GPC5: variants seen among roughly 807,000 people sequenced by gnomAD.
The protein encoded by GPC5 is glypican-5.
GPC5 carries 47 observed loss-of-function variants against 53.9 expected under a neutral mutation model. That is an observed-to-expected ratio of 0.87 (90% CI 0.69 to 1.11). The LOEUF (loss-of-function observed/expected upper bound fraction) is 1.11. Among genes scored for constraint, GPC5 ranks in the 50% most tolerant of loss-of-function variants. GPC5 has a pLI of 0.00. For missense variants in GPC5, 748 were observed against 713.1 expected (o/e 1.05, Z -0.56); for synonymous variants, 286 against 263.3 (o/e 1.09, Z -0.84).
intron 7 of GPC5, among the ~76,000 whole-genome samples, chr13:92,175,400 G>A (rs941410410): frequency 1.3e-5 from 2 of 152,068 alleles, no homozygotes; most frequent in African/African-American, 4.8e-5. Context: ...CTTCTTTTCT[G>A]ATTCTAGATT....
rs569149904 is a variant in GPC5, at chr13:91,582,787, C to T, written c.326-110400C>T. On this transcript the variant is annotated intron_variant, in intron 2 of 7. Coordinates refer to ENST00000377067, the MANE Select transcript of GPC5 (RefSeq NM_004466.6). ...CAGCACCTTGGGAGTCTGAGGCGGGCAGATAACTTGAGGTCAGGTGTTCGA... is the reference window on the plus strand; with the variant it reads ...CAGCACCTTGGGAGTCTGAGGCGGGTAGATAACTTGAGGTCAGGTGTTCGA... Among the ~76,000 whole-genome samples the T allele has an allele frequency of 1.2e-3, 180 of 152,172 alleles. 1 individual carries two copies. The highest frequency in any genetic ancestry group is 4.2e-3 in the African/African-American group (174 of 41,544).
intron 7 of GPC5, among the ~76,000 whole-genome samples, chr13:92,811,727 A>G (rs1877308067): frequency 6.6e-6 from 1 of 151,966 alleles, no homozygotes; most frequent in African/African-American, 2.4e-5. Flanking sequence ...TAAGAGATTT[A>G]TAGTTTTAGC....
Position 92,517,826 on chromosome 13 carries a change from C to T in GPC5, c.1562-348456C>T, listed in dbSNP as rs146773449. Among the ~76,000 whole-genome samples the T allele has an allele frequency of 3.5e-3, 539 of 152,278 alleles. 7 individuals are homozygous for T. Among genetic ancestry groups the T allele is most frequent in the East Asian group, 0.025 (128 of 5,172 alleles). ...TCGCCAGCAATGGAACAAAGCTGGA[C>T]GGAGAATGACTTTGATGAGTTGAGA... On this transcript the variant is annotated intron_variant, in intron 7 of 7. Coordinates refer to ENST00000377067, the MANE Select transcript of GPC5 (RefSeq NM_004466.6).
intron 7 of GPC5, among the ~76,000 whole-genome samples, chr13:92,516,087 T>C (rs1880765348): frequency 6.6e-6 from 1 of 152,124 alleles, no homozygotes; most frequent in African/African-American, 2.4e-5. Context: ...TGAGACCCTT[T>C]CTCAGTATTT....
intron 7 of GPC5, among the ~76,000 whole-genome samples, chr13:92,669,783 T>G (rs1886685467): frequency 6.6e-6 from 1 of 152,144 alleles, no homozygotes; most frequent in Non-Finnish European, 1.5e-5. Context: ...AGATCCTTCC[T>G]AACTCAGAAT....
At chr13:92,514,531 G>T (rs947185689) in intron 7 of GPC5, among the ~76,000 whole-genome samples, 1 of 152,082 alleles carries the variant, frequency 6.6e-6, no homozygotes, top group African/African-American at 2.4e-5. Context: ...TATGGGGTAG[G>T]CACTGTATTA....
chr13:92,501,938 C>G (rs564317732), intron 7 of GPC5, among the ~76,000 whole-genome samples: 3 of 152,104 alleles, frequency 2.0e-5, no homozygotes, highest in Non-Finnish European at 2.9e-5. Flanking sequence ...CAGAATTGCT[C>G]TGAAAGAATT....
At chr13:91,696,585 T>C (rs1046931489) in intron 3 of GPC5, among the ~76,000 whole-genome samples, 3 of 152,154 alleles carry the variant, frequency 2.0e-5, no homozygotes, top group African/African-American at 7.2e-5. Flanking sequence ...CTTTCTCACA[T>C]TCCCAAAGAA....
chr13:91,514,198 T>A (rs1885378980), intron 2 of GPC5, among the ~76,000 whole-genome samples: 1 of 152,206 alleles, frequency 6.6e-6, no homozygotes. Context: ...AATAATAGCA[T>A]GTTTAGTTTT....
At chr13:91,867,265 T>G (rs1295002547) in intron 5 of GPC5, among the ~76,000 whole-genome samples, 1 of 152,136 alleles carries the variant, frequency 6.6e-6, no homozygotes, top group Non-Finnish European at 1.5e-5. Context: ...GAGGTAACTG[T>G]TGTCTAATTT....
intron 7 of GPC5, among the ~76,000 whole-genome samples, chr13:92,699,228 G>T (rs145777727): frequency 0.013 from 1,934 of 152,232 alleles, 49 homozygotes; most frequent in African/African-American, 0.044. Context: ...AGTGTTTATA[G>T]TATTCTATGA....
intron 6 of GPC5, among the ~76,000 whole-genome samples, chr13:92,093,208 C>G (rs767673380): frequency 4.6e-5 from 7 of 152,062 alleles, no homozygotes; most frequent in Non-Finnish European, 8.8e-5. Flanking sequence ...ATATTAAAGG[C>G]CTTTTTCTTT....
At chr13:91,981,665 T>A (rs1283315886) in intron 6 of GPC5, among the ~76,000 whole-genome samples, 1 of 152,200 alleles carries the variant, frequency 6.6e-6, no homozygotes, top group Non-Finnish European at 1.5e-5. Context: ...CACTTGACAT[T>A]GTGCTAGATA....
rs193137184 is a variant in GPC5 at position 92,253,657 on chromosome 13, T to G, written c.1561+108668T>G. ...GTTGTTGTGAGATTAAATGAAAGTA[T>G]GTACATGAAGTGGATTTTTAATTAA... On this transcript the variant is annotated intron_variant, in intron 7 of 7. Coordinates refer to ENST00000377067, the MANE Select transcript of GPC5 (RefSeq NM_004466.6). Among the ~76,000 whole-genome samples the G allele has an allele frequency of 2.2e-3, 329 of 152,178 alleles. 1 individual carries two copies. Among genetic ancestry groups the G allele is most frequent in the African/African-American group, 7.6e-3 (317 of 41,546 alleles).
At chr13:92,285,718 T>A (rs79681953) in intron 7 of GPC5, among the ~76,000 whole-genome samples, 13,010 of 152,206 alleles carry the variant, frequency 0.085, 615 homozygotes, top group Middle Eastern at 0.12. Context: ...TTCCCTTCCT[T>A]ACACCTTATA....
intron 7 of GPC5, among the ~76,000 whole-genome samples, chr13:92,610,724 G>A (rs1018793248): frequency 2.0e-5 from 3 of 152,132 alleles, no homozygotes; most frequent in Non-Finnish European, 2.9e-5. Context: ...AATCTTGGTG[G>A]AAGGTGAAGG....
At chr13:92,060,718 A>G (rs1162971533) in intron 6 of GPC5, among the ~76,000 whole-genome samples, 2 of 152,090 alleles carry the variant, frequency 1.3e-5, no homozygotes, top group Non-Finnish European at 2.9e-5. Flanking sequence ...TATATCGAAT[A>G]AAAAGGTGAA....
chr13:91,899,844 C>T (rs1472650184), intron 5 of GPC5, among the ~76,000 whole-genome samples: 1 of 152,054 alleles, frequency 6.6e-6, no homozygotes, highest in East Asian at 1.9e-4. Context: ...GGAGTATGGC[C>T]CTGCCAACAT....
At position 91,468,891 on chromosome 13, in the gene GPC5, T is replaced by C. The variant is rs1488032662; in HGVS notation, c.325+19969T>C. On this transcript the variant is annotated intron_variant, in intron 2 of 7. Coordinates refer to ENST00000377067, the MANE Select transcript of GPC5 (RefSeq NM_004466.6). Reference sequence around the variant, plus strand: ...ATAATGGTCTTTTTTTTTTTTTTTTTAAATGAGACAGGGTTTCATTCTGTT... The same window carrying C: ...ATAATGGTCTTTTTTTTTTTTTTTTCAAATGAGACAGGGTTTCATTCTGTT... 2.7e-5 allele frequency among the ~76,000 whole-genome samples: 4 copies of C among 147,656 alleles called. No homozygotes were observed. In the East Asian group the frequency reaches 5.8e-4, roughly 21 times the overall value.
Sources: gnomAD v4.1 joint callset for allele counts (sites outside exome capture counted in the v4.1 genomes callset) on GRCh38, gnomAD v4.1.1 for gene constraint, MANE v1.5 for transcripts, NCBI Gene and HGNC (gene_info 2026-07-23, HGNC 2026-07-21) for gene names.